EPB41L4A: variants seen among roughly 807,000 people sequenced by gnomAD.
EPB41L4A encodes erythrocyte membrane protein band 4.1 like 4A.
In EPB41L4A, 100 loss-of-function variants were observed where a neutral mutation model predicts 108.6. The observed-to-expected ratio is 0.92, with a 90% confidence interval of 0.78 to 1.09. The LOEUF (loss-of-function observed/expected upper bound fraction) is 1.09, where lower values mean the gene tolerates loss of function less well. EPB41L4A is among the 50% of genes least tolerant of loss of function. The pLI, the probability that EPB41L4A is intolerant of heterozygous loss-of-function variation, is 0.00. For synonymous variants in EPB41L4A, 319 were observed against 289.0 expected (o/e 1.10, Z -1.05); for missense variants, 1,030 against 842.7 (o/e 1.22, Z -2.75).
At chr5:112,162,418 A>C (rs989207663), downstream of EPB41L4A, 2 of 152,230 alleles carry the variant, frequency 1.3e-5, no homozygotes, top group East Asian at 3.8e-4. Flanking sequence ...CACCATAATT[A>C]ATAGCCTTAA....
intron 1 of EPB41L4A, among the ~76,000 whole-genome samples, chr5:112,338,607 C>T (rs1012730666): frequency 6.6e-6 from 1 of 152,124 alleles, no homozygotes; most frequent in African/African-American, 2.4e-5. Context: ...CACCCCCCGC[C>T]ACCACACACA....
intron 12 of EPB41L4A, among the ~76,000 whole-genome samples, chr5:112,225,557 A>C (rs947004898): frequency 3.3e-5 from 5 of 152,172 alleles, no homozygotes; most frequent in Admixed American, 6.5e-5. Context: ...TAAAAATTCA[A>C]ATGAAAATAA....
intron 1 of EPB41L4A, among the ~76,000 whole-genome samples, chr5:112,344,803 A>G (rs76199516): frequency 0.087 from 13,184 of 152,256 alleles, 745 homozygotes; most frequent in Middle Eastern, 0.13. Context: ...AAGGACTTAC[A>G]ATGAAACTGA....
intron 1 of EPB41L4A, among the ~76,000 whole-genome samples, chr5:112,318,458 G>C (rs1755563923): frequency 6.6e-6 from 1 of 152,178 alleles, no homozygotes; most frequent in Non-Finnish European, 1.5e-5. Context: ...CATGTGGAGA[G>C]ACCTTGAGAA....
intron 2 of EPB41L4A, among the ~76,000 whole-genome samples, chr5:112,303,609 C>T (rs1754510423): frequency 6.6e-6 from 1 of 151,972 alleles, no homozygotes; most frequent in Non-Finnish European, 1.5e-5. Flanking sequence ...GCCAGAAGAA[C>T]AAAATGAGAA....
chr5:112,154,457 T>C (rs1016416554), intron 12 of EPB41L4A, among the ~76,000 whole-genome samples: 1 of 152,268 alleles, frequency 6.6e-6, no homozygotes, highest in Non-Finnish European at 1.5e-5. Flanking sequence ...ATTTACGCAA[T>C]GATTTTAAAC....
chr5:112,247,541 C>G (rs1750335926), intron 9 of EPB41L4A, among the ~76,000 whole-genome samples: 1 of 152,154 alleles, frequency 6.6e-6, no homozygotes, highest in Admixed American at 6.6e-5. Context: ...GTGACATAGA[C>G]ATTTTTACAT....
Position 112,397,215 on chromosome 5 carries a change from C to T in EPB41L4A, c.99+21726G>A, listed in dbSNP as rs189406988. On this transcript the variant is annotated intron_variant, in intron 1 of 22. Transcript: ENST00000261486. ...TTGGTTTTCTGTTTCTGAGTTAGTT[C>T]ACTTAAGATAATGACCTCCAGCTGA... Among the ~76,000 whole-genome samples, 134 of 152,228 alleles carry T rather than the reference C, an allele frequency of 8.8e-4. 1 individual carries two copies. The East Asian group carries it at 0.023, about 26-fold the overall frequency.
At chr5:112,184,821 A>C (rs1027225825) in intron 17 of EPB41L4A, among the ~76,000 whole-genome samples, 2 of 152,230 alleles carry the variant, frequency 1.3e-5, no homozygotes, top group Non-Finnish European at 2.9e-5. Flanking sequence ...ATCACAAGAC[A>C]GTGTTACCAA....
intron 1 of EPB41L4A, among the ~76,000 whole-genome samples, chr5:112,391,665 T>C (rs1158259125): frequency 6.6e-6 from 1 of 152,162 alleles, no homozygotes; most frequent in African/African-American, 2.4e-5. Flanking sequence ...CTTCAGGATA[T>C]TATCCAGGAG....
At chr5:112,368,613 C>G (rs570010764) in intron 1 of EPB41L4A, among the ~76,000 whole-genome samples, 1 of 152,210 alleles carries the variant, frequency 6.6e-6, no homozygotes, top group South Asian at 2.1e-4. Flanking sequence ...AACCACTGTT[C>G]TACTGCACCT....
chr5:112,205,407 A>G lies in EPB41L4A; in HGVS notation c.1262+14T>C, dbSNP rs967776278. Reference sequence around the variant, plus strand: ...TTCTACTGTCTCCTTTATAAAAACAATGATTCCCTTTACCTCTGGGGGCCA... The same window carrying G: ...TTCTACTGTCTCCTTTATAAAAACAGTGATTCCCTTTACCTCTGGGGGCCA... On this transcript the variant is annotated intron_variant, in intron 14 of 22. Transcript: ENST00000261486. The G allele has an allele frequency of 2.5e-6, 4 of 1,606,204 alleles. No individual in the cohort carries two copies. In the African/African-American group the frequency reaches 5.3e-5, roughly 21 times the overall value.
downstream of EPB41L4A, chr5:112,161,967 G>C (rs1164978746): frequency 6.4e-6 from 1 of 156,748 alleles, no homozygotes; most frequent in Non-Finnish European, 1.4e-5. Context: ...GATACTTCCT[G>C]AGAAGCCCAG....
chr5:112,155,253 T>A (rs571155618), intron 12 of EPB41L4A, among the ~76,000 whole-genome samples: 38 of 152,238 alleles, frequency 2.5e-4, no homozygotes, highest in Non-Finnish European at 4.4e-4. Flanking sequence ...CTCTTGTATT[T>A]AGGACCACAA....
At chr5:112,387,572 T>A (rs537157174) in intron 1 of EPB41L4A, among the ~76,000 whole-genome samples, 2 of 152,288 alleles carry the variant, frequency 1.3e-5, no homozygotes, top group East Asian at 3.9e-4. Context: ...GAGCTTGCAG[T>A]GAGCCGAAAT....
chr5:112,202,898 C>T (rs1195567669), intron 15 of EPB41L4A, among the ~76,000 whole-genome samples: 1 of 152,068 alleles, frequency 6.6e-6, no homozygotes, highest in Non-Finnish European at 1.5e-5. Context: ...ACTGAAACTT[C>T]TTGTAAGTAT....
chr5:112,331,301 G>A (rs545666325), intron 1 of EPB41L4A, among the ~76,000 whole-genome samples: 6 of 152,280 alleles, frequency 3.9e-5, no homozygotes, highest in African/African-American at 1.2e-4. Flanking sequence ...CTTCCAACCC[G>A]TCCTCTCCTA....
intron 1 of EPB41L4A, among the ~76,000 whole-genome samples, chr5:112,353,749 G>A (rs1172627916): frequency 6.6e-6 from 1 of 152,148 alleles, no homozygotes; most frequent in Non-Finnish European, 1.5e-5. Flanking sequence ...GGGAATCCTT[G>A]GGTCCCCAAA....
At chr5:112,344,457 T>C (rs1208215697) in intron 1 of EPB41L4A, among the ~76,000 whole-genome samples, 1 of 152,256 alleles carries the variant, frequency 6.6e-6, no homozygotes, top group Non-Finnish European at 1.5e-5. Flanking sequence ...GTGTTTGTTG[T>C]ACATGGGGGT....
Sources: allele counts gnomAD v4.1 joint callset (sites outside exome capture counted in the v4.1 genomes callset), GRCh38; gene constraint gnomAD v4.1.1; transcripts MANE v1.5; gene names NCBI Gene and HGNC (gene_info 2026-07-23, HGNC 2026-07-21).